The following BMP6 variants were observed in gnomAD, a reference collection of about 807,000 sequenced individuals.
BMP6 encodes VG-1-R.
A neutral mutation model predicts 54.1 loss-of-function variants in BMP6; 17 were observed. The ratio of observed to expected loss-of-function variants is 0.31; its 90% confidence interval spans 0.22 to 0.47. BMP6 has a LOEUF of 0.47. BMP6 is among the 20% of genes least tolerant of loss of function. The probability of loss-of-function intolerance (pLI) is 1.00; values close to 1 mark genes in which losing one functional copy is unlikely to be tolerated. For missense variants in BMP6, 720 were observed against 690.4 expected (o/e 1.04, Z -0.48); for synonymous variants, 328 against 291.2 (o/e 1.13, Z -1.28).
chr6:7,767,816 G>T (rs1024156367), intron 1 of BMP6, among the ~76,000 whole-genome samples: 5 of 152,104 alleles, frequency 3.3e-5, no homozygotes, highest in Admixed American at 3.3e-4. Context: ...AATTTTTGTT[G>T]AGAGCTGGAC....
chr6:7,810,430 C>T (rs938769374), intron 1 of BMP6, among the ~76,000 whole-genome samples: 2 of 152,342 alleles, frequency 1.3e-5, no homozygotes, highest in East Asian at 3.9e-4. Context: ...CAGCTGGTGG[C>T]AGAGCCAATC....
At position 7,855,399 on chromosome 6, in the gene BMP6, G is replaced by A. The variant is rs754139051; in HGVS notation, c.858-6052G>A. ...GCAGCAATCCATGTGTTAAGCCCCC[G>A]CAGGGGATTCTGATGCAGGCTACAC... is the stretch of plus-strand genomic sequence containing the variant. On this transcript the variant is annotated intron_variant, in intron 2 of 6. Coordinates refer to ENST00000283147, the MANE Select transcript of BMP6 (RefSeq NM_001718.6). Among the ~76,000 whole-genome samples, 8 of 152,026 alleles carry A rather than the reference G, an allele frequency of 5.3e-5. No homozygotes were observed. In the South Asian group the frequency reaches 6.2e-4, roughly 12 times the overall value.
At chr6:7,792,571 C>T (rs1758126488) in intron 1 of BMP6, among the ~76,000 whole-genome samples, 1 of 152,314 alleles carries the variant, frequency 6.6e-6, no homozygotes, top group Admixed American at 6.5e-5. Flanking sequence ...CAAACAGATA[C>T]AAACACATAG....
chr6:7,872,080 C>T, intron 4 of BMP6, among the ~76,000 whole-genome samples: 1 of 152,158 alleles, frequency 6.6e-6, no homozygotes, highest in East Asian at 1.9e-4. Flanking sequence ...CTAGCTGTCT[C>T]ACTTCCTTTC....
intron 1 of BMP6, among the ~76,000 whole-genome samples, chr6:7,750,965 T>A (rs1757414469): frequency 6.6e-6 from 1 of 152,216 alleles, no homozygotes; most frequent in Non-Finnish European, 1.5e-5. Flanking sequence ...CTTAAGTGAC[T>A]CTAATTTAGA....
chr6:7,796,026 A>G (rs1758185557), intron 1 of BMP6, among the ~76,000 whole-genome samples: 1 of 152,128 alleles, frequency 6.6e-6, no homozygotes, highest in Admixed American at 6.6e-5. Flanking sequence ...GGTGATAGAG[A>G]TTTAGGATTG....
At chr6:7,791,177 G>T (rs1174699168) in intron 1 of BMP6, among the ~76,000 whole-genome samples, 1 of 152,204 alleles carries the variant, frequency 6.6e-6, no homozygotes, top group Non-Finnish European at 1.5e-5. Context: ...GGATGGCAAA[G>T]TTCCTTCTTT....
chr6:7,727,590 C>G lies in BMP6; in HGVS notation c.635C>G (p.Ala212Gly), dbSNP rs777631355. The G allele has an allele frequency of 1.3e-6, 2 of 1,577,246 alleles. No individual in the cohort carries two copies. The highest frequency in any genetic ancestry group is 1.8e-5 in the Admixed American group (1 of 56,216). The change falls in exon 1 of 7, where the codon GCG becomes GGG. Residue 212 changes from alanine (A) to glycine (G), a missense_variant. Physicochemically the swap from Ala to Gly is moderately conservative, Grantham distance 60 (BLOSUM62 0). Coordinates refer to ENST00000283147, the MANE Select transcript of BMP6 (RefSeq NM_001718.6). ...CAGGACAGCGCCTTCCTCAACGACG[C>G]GGACATGGTCATGAGCTTTGTGAAC... ...SAQDSAFLND[A>G]DMVMSFVNLV... is the part of the protein sequence containing the mutation.
At chr6:7,810,762 A>G (rs942004145) in intron 1 of BMP6, among the ~76,000 whole-genome samples, 5 of 152,212 alleles carry the variant, frequency 3.3e-5, no homozygotes, top group Admixed American at 3.3e-4. Flanking sequence ...TTTGTTCTTG[A>G]AAGAAGGGAA....
chr6:7,756,642 A>G (rs1757519247), intron 1 of BMP6, among the ~76,000 whole-genome samples: 1 of 152,202 alleles, frequency 6.6e-6, no homozygotes, highest in Non-Finnish European at 1.5e-5. Flanking sequence ...ATTTTGTTAT[A>G]TTCCTTTTTA....
chr6:7,846,451 C>G (rs1217479770), intron 2 of BMP6, among the ~76,000 whole-genome samples: 1 of 152,172 alleles, frequency 6.6e-6, no homozygotes, highest in African/African-American at 2.4e-5. Flanking sequence ...GTGAAAGGTT[C>G]ATTTTTGTTT....
intron 1 of BMP6, among the ~76,000 whole-genome samples, chr6:7,779,633 C>A (rs147255646): frequency 6.6e-6 from 1 of 152,214 alleles, no homozygotes; most frequent in African/African-American, 2.4e-5. Context: ...AGCCACTGAG[C>A]CCAGCCAATA....
intron 1 of BMP6, among the ~76,000 whole-genome samples, chr6:7,843,977 A>G (rs1027093912): frequency 6.6e-5 from 10 of 152,366 alleles, no homozygotes; most frequent in African/African-American, 2.4e-4. Context: ...ACATTATGAC[A>G]TGATTACCAC....
At chr6:7,779,200 C>A (rs557780716) in intron 1 of BMP6, among the ~76,000 whole-genome samples, 14 of 152,232 alleles carry the variant, frequency 9.2e-5, no homozygotes, top group Non-Finnish European at 2.1e-4. Context: ...CCAAGAAATC[C>A]AGTACGTTAT....
At chr6:7,762,166 C>A (rs775621712) in intron 1 of BMP6, among the ~76,000 whole-genome samples, 40 of 152,334 alleles carry the variant, frequency 2.6e-4, no homozygotes, top group Non-Finnish European at 5.3e-4. Context: ...AAATGATCCA[C>A]CTACCTCAGC....
At chr6:7,838,739 G>A (rs1252508011) in intron 1 of BMP6, among the ~76,000 whole-genome samples, 2 of 152,142 alleles carry the variant, frequency 1.3e-5, no homozygotes, top group East Asian at 1.9e-4. Context: ...TCAGGAGATC[G>A]AGACCATCCT....
intron 2 of BMP6, among the ~76,000 whole-genome samples, chr6:7,851,564 TA>T (rs1759142171): frequency 1.3e-5 from 2 of 152,280 alleles, no homozygotes; most frequent in South Asian, 4.1e-4. Flanking sequence ...TTCTATTTTT[TA>T]TTTCTCTTTT....
intron 4 of BMP6, among the ~76,000 whole-genome samples, chr6:7,871,354 A>G (rs575151940): frequency 7.9e-5 from 12 of 152,374 alleles, no homozygotes; most frequent in African/African-American, 2.9e-4. Flanking sequence ...AACATCTGAT[A>G]CATTCTCAAA....
intron 4 of BMP6, among the ~76,000 whole-genome samples, chr6:7,874,216 T>G (rs1195074009): frequency 6.6e-6 from 1 of 152,106 alleles, no homozygotes; most frequent in African/African-American, 2.4e-5. Context: ...ATGGGCAGAA[T>G]CCAGGCACAT....
Sources: gnomAD v4.1 joint callset for allele counts (sites outside exome capture counted in the v4.1 genomes callset) on GRCh38, gnomAD v4.1.1 for gene constraint, MANE v1.5 for transcripts, NCBI Gene and HGNC (gene_info 2026-07-23, HGNC 2026-07-21) for gene names.